Variants in MAP3K13 observed in about 807,000 individuals in gnomAD.
MAP3K13 encodes the protein mitogen-activated protein kinase kinase kinase 13, also known as leucine zipper-bearing kinase.
MAP3K13 carries 52 observed loss-of-function variants against 104.0 expected under a neutral mutation model. The observed-to-expected ratio is 0.50, with a 90% CI of 0.40 to 0.63. The LOEUF is 0.63. Ranked by LOEUF, MAP3K13 falls within the 20% of genes least tolerant of loss-of-function variation. The pLI is 0.00. For synonymous variants in MAP3K13, 394 were observed against 442.2 expected, an observed-to-expected ratio of 0.89 and a Z score of 1.37; for missense variants, 914 against 1,218.5, an observed-to-expected ratio of 0.75 and a Z score of 3.72.
chr3:185,288,534 T>TGTGTGTGTGTGTGTG lies in MAP3K13; in HGVS notation c.-86+2891_-86+2892insGTGTGTGTGTGTGTG, dbSNP rs57631600. On this transcript the variant is annotated intron_variant, in intron 2 of 14. Coordinates refer to the MAP3K13 transcript ENST00000424227. ...AAAAAGAGAATATGTGTGTGTGTGT[T>TGTGTGTGTGTGTGTG]TGTGTGTATATATATATTCCAGAAA... Among the ~76,000 whole-genome samples, 7 of 148,050 alleles carry TGTGTGTGTGTGTGTG rather than the reference T, an allele frequency of 4.7e-5. 1 individual carries two copies. Among genetic ancestry groups the TGTGTGTGTGTGTGTG allele is most frequent in the African/African-American group, 1.0e-4 (4 of 39,892 alleles).
rs1275138300 is a variant in MAP3K13, at chr3:185,473,931, C to T, written c.2430+170C>T. On this transcript the variant is annotated intron_variant, in intron 11 of 13. Transcript: ENST00000265026. This position sits in a 1 kb window ranked among gnomAD's most constrained non-coding sequence, Gnocchi z 4.9. Reference sequence around the variant, plus strand: ...TTACTTTAAATTCGTTCTTTCCACACTGTTTAAGTGATAAACTACGGAATA... The same window carrying T: ...TTACTTTAAATTCGTTCTTTCCACATTGTTTAAGTGATAAACTACGGAATA... Among the ~76,000 whole-genome samples, 4 of 152,220 alleles carry T rather than the reference C, an allele frequency of 2.6e-5. No homozygotes were observed. The highest frequency in any genetic ancestry group is 2.6e-4 in the Admixed American group (4 of 15,276).
chr3:185,417,921 A>T, intron 1 of MAP3K13: 1 of 1,604,404 alleles, frequency 6.2e-7, no homozygotes, highest in Non-Finnish European at 8.5e-7. Context: ...TAAGATCTGT[A>T]TTAATCAACT....
At chr3:185,295,979 C>T (rs1435952514) in intron 2 of MAP3K13, among the ~76,000 whole-genome samples, 1 of 152,188 alleles carries the variant, frequency 6.6e-6, no homozygotes, top group Non-Finnish European at 1.5e-5. Context: ...GCAGTGCTCA[C>T]GACTGCAATT....
chr3:185,320,990 C>T (rs1047175540), intron 2 of MAP3K13, among the ~76,000 whole-genome samples: 8 of 151,846 alleles, frequency 5.3e-5, no homozygotes, highest in Middle Eastern at 3.4e-3. Context: ...TGTGTGTGTG[C>T]GTGCATATAT....
At chr3:185,334,669 G>A (rs1029472209) in intron 2 of MAP3K13, among the ~76,000 whole-genome samples, 4 of 151,564 alleles carry the variant, frequency 2.6e-5, no homozygotes, top group Admixed American at 1.3e-4. Flanking sequence ...GGAGTCCAGT[G>A]GTGCCATCTC....
At chr3:185,367,645 G>A (rs948593523) in intron 1 of MAP3K13, among the ~76,000 whole-genome samples, 1 of 151,892 alleles carries the variant, frequency 6.6e-6, no homozygotes, top group Non-Finnish European at 1.5e-5. Flanking sequence ...TACCCAGACT[G>A]GAATATGGTG....
At chr3:185,453,494 G>T (rs1316988381) in intron 7 of MAP3K13, among the ~76,000 whole-genome samples, 2 of 152,020 alleles carry the variant, frequency 1.3e-5, no homozygotes, top group East Asian at 1.9e-4. Context: ...TCATCCCTGG[G>T]AGCTGAACAA....
rs1721859490 is a variant in MAP3K13, at chr3:185,321,296, C to T, written c.-86+35653C>T. On this transcript the variant is annotated intron_variant, in intron 2 of 14. Transcript: ENST00000424227. ...GCACATACCATGCTCTCGTGTTTTA[C>T]ATATGTATGTGTGTGTATAGTATTG... is the stretch of plus-strand genomic sequence containing the variant. 2.0e-5 allele frequency among the ~76,000 whole-genome samples: 3 copies of T among 152,144 alleles called. No individual in the cohort carries two copies. In the South Asian group the frequency reaches 6.2e-4, roughly 31 times the overall value.
At chr3:185,370,341 T>C (rs557545066) in intron 1 of MAP3K13, among the ~76,000 whole-genome samples, 1 of 152,282 alleles carries the variant, frequency 6.6e-6, no homozygotes, top group South Asian at 2.1e-4. Flanking sequence ...ATTACAGGCA[T>C]GTGCCACCAT....
At chr3:185,292,854 T>G (rs1720791442) in intron 2 of MAP3K13, 1 of 982,042 alleles carries the variant, frequency 1.0e-6, no homozygotes, top group African/African-American at 1.7e-5. Flanking sequence ...TGTCAATGCT[T>G]TAGAGCAGTT....
Position 185,488,826 on chromosome 3 carries a change from C to T in MAP3K13, c.*6370C>T, listed in dbSNP as rs1447742919. On this transcript the variant is annotated 3_prime_UTR_variant, in exon 14 of 14. Coordinates refer to ENST00000265026, the MANE Select transcript of MAP3K13 (RefSeq NM_004721.5). Reference sequence around the variant, plus strand: ...TCTTCACCTTCAGAGTGACCACTTCCCAGACTCTGGAAGTGGGAAGACCCT... The same window carrying T: ...TCTTCACCTTCAGAGTGACCACTTCTCAGACTCTGGAAGTGGGAAGACCCT... 6.6e-6 allele frequency: 1 copy of T among 152,228 alleles called. No individual in the cohort carries two copies. The highest frequency in any genetic ancestry group is 1.5e-5 in the Non-Finnish European group (1 of 68,046). 9.4% of individuals were successfully genotyped at this position (152,228 alleles called of 1,614,324 possible). A position where few individuals can be genotyped will look rare whatever the true frequency, so the allele number is the denominator to read the frequency against.
intron 2 of MAP3K13, among the ~76,000 whole-genome samples, chr3:185,311,482 T>C (rs1033241055): frequency 1.3e-5 from 2 of 152,118 alleles, no homozygotes; most frequent in Non-Finnish European, 2.9e-5. Flanking sequence ...GAGATACAAT[T>C]GAAGTTGAGA....
chr3:185,484,794 ATAT>A lies in MAP3K13; in HGVS notation c.*2342_*2344del, dbSNP rs543268747. 3 of 152,294 alleles carry A rather than the reference ATAT, an allele frequency of 2.0e-5. No homozygotes were observed. Among genetic ancestry groups the A allele is most frequent in the Non-Finnish European group, 2.9e-5 (2 of 68,022 alleles). 9.4% of individuals were successfully genotyped at this position (152,294 alleles called of 1,614,324 possible). A position where few individuals can be genotyped will look rare whatever the true frequency, so the allele number is the denominator to read the frequency against. ...ATTATCATTGTTATTTTATTTTATA[ATAT>A]TATCATTCTCATTTTCTGTCGATCA... On this transcript the variant is annotated 3_prime_UTR_variant, in exon 14 of 14. Coordinates refer to ENST00000265026, the MANE Select transcript of MAP3K13 (RefSeq NM_004721.5).
chr3:185,357,758 G>A (rs964014058), intron 2 of MAP3K13, among the ~76,000 whole-genome samples: 18 of 152,008 alleles, frequency 1.2e-4, no homozygotes, highest in Non-Finnish European at 2.5e-4. Context: ...ATCCCTCATT[G>A]GTAATCATCC....
intron 4 of MAP3K13, among the ~76,000 whole-genome samples, chr3:185,446,986 G>C (rs1715624712): frequency 6.6e-6 from 1 of 152,168 alleles, no homozygotes; most frequent in South Asian, 2.1e-4. Context: ...CACTACCTTA[G>C]ACATCCAGCG....
intron 8 of MAP3K13, among the ~76,000 whole-genome samples, chr3:185,465,040 G>A (rs1349223269): frequency 2.0e-5 from 3 of 152,102 alleles, no homozygotes; most frequent in Non-Finnish European, 4.4e-5. Flanking sequence ...GGAGTGCAGT[G>A]GCACCATCTC....
chr3:185,454,355 GATATATATGAGAT>G (rs1194761994), intron 7 of MAP3K13, among the ~76,000 whole-genome samples: 1 of 11,812 alleles, frequency 8.5e-5, no homozygotes, highest in African/African-American at 1.4e-4. Flanking sequence ...AGATATATGA[GATATATATGAGAT>G]ATATATATGA....
chr3:185,328,967 G>C, intron 2 of MAP3K13: 1 of 432,254 alleles, frequency 2.3e-6, no homozygotes, highest in Non-Finnish European at 4.2e-6. Flanking sequence ...CTTGGTGTAA[G>C]TAGTTTTTTT....
intron 1 of MAP3K13, among the ~76,000 whole-genome samples, chr3:185,408,142 T>C (rs1713224699): frequency 6.6e-6 from 1 of 152,156 alleles, no homozygotes; most frequent in South Asian, 2.1e-4. Context: ...TTAATAGTTT[T>C]ACAGGAAAAA....
Sources: gnomAD v4.1 joint callset for allele counts (sites outside exome capture counted in the v4.1 genomes callset) on GRCh38, gnomAD v4.1.1 for gene constraint, Gnocchi (gnomAD v3.1) non-coding constraint, MANE v1.5 for transcripts, NCBI Gene and HGNC (gene_info 2026-07-23, HGNC 2026-07-21) for gene names.